Variants in OCIAD1 observed in about 807,000 individuals in gnomAD.
OCIAD1 encodes the protein OCIA domain-containing protein 1.
A neutral mutation model predicts 38.9 loss-of-function variants in OCIAD1; 29 were observed. The ratio of observed to expected loss-of-function variants is 0.74; its 90% CI spans 0.55 to 1.02. OCIAD1 has a LOEUF of 1.02. Ranked by LOEUF, OCIAD1 falls within the 50% of genes least tolerant of loss-of-function variation. The probability of loss-of-function intolerance (pLI) is 0.00; values close to 1 mark genes in which losing one functional copy is unlikely to be tolerated. For missense variants in OCIAD1, 288 were observed against 289.6 expected (o/e 0.99, Z 0.04); for synonymous variants, 110 against 92.0 (o/e 1.20, Z -1.12).
chr4:48,823,153 A>G (rs1481890161), intron 1 of OCIAD1, among the ~76,000 whole-genome samples: 1 of 152,208 alleles, frequency 6.6e-6, no homozygotes, highest in Non-Finnish European at 1.5e-5. Context: ...ATGCCCATCA[A>G]TGATAGACCG....
intron 4 of OCIAD1, among the ~76,000 whole-genome samples, chr4:48,843,733 CAA>C (rs762994795): frequency 6.6e-6 from 1 of 151,530 alleles, no homozygotes; most frequent in Non-Finnish European, 1.5e-5. Context: ...AACAACAAAA[CAA>C]AAAAAACCCC....
At chr4:48,854,086 T>G (rs1779783580) in intron 7 of OCIAD1, among the ~76,000 whole-genome samples, 1 of 152,210 alleles carries the variant, frequency 6.6e-6, no homozygotes, top group Admixed American at 6.5e-5. Context: ...CCTCACTATG[T>G]CTCATTTAAC....
chr4:48,854,348 A>G (rs1779813558), intron 7 of OCIAD1, among the ~76,000 whole-genome samples: 1 of 152,184 alleles, frequency 6.6e-6, no homozygotes, highest in Admixed American at 6.5e-5. Context: ...TTATCACACT[A>G]CTCAGAACAG....
At chr4:48,842,381 A>C (rs1008446025) in intron 3 of OCIAD1, among the ~76,000 whole-genome samples, 1 of 152,174 alleles carries the variant, frequency 6.6e-6, no homozygotes, top group Non-Finnish European at 1.5e-5. Flanking sequence ...ACAGCTGGCT[A>C]TTTGGAACCT....
chr4:48,807,600 C>T, intron 1 of OCIAD1, among the ~76,000 whole-genome samples: 1 of 152,022 alleles, frequency 6.6e-6, no homozygotes, highest in East Asian at 1.9e-4. Context: ...TCTTTCTTGC[C>T]TTTTTTTAAA....
intron 7 of OCIAD1, chr4:48,852,325 A>G (rs1377195294): frequency 1.2e-5 from 2 of 173,196 alleles, no homozygotes; most frequent in African/African-American, 4.7e-5. Context: ...AGAAATGATA[A>G]ATCGTGTCTC....
chr4:48,815,309 C>T (rs1553893865), intron 1 of OCIAD1, among the ~76,000 whole-genome samples: 4 of 151,198 alleles, frequency 2.6e-5, no homozygotes, highest in Non-Finnish European at 5.9e-5. Context: ...GACTCCATCT[C>T]AAAAAAAAGA....
intron 1 of OCIAD1, among the ~76,000 whole-genome samples, chr4:48,805,634 T>C (rs1188064764): frequency 6.6e-6 from 1 of 151,736 alleles, no homozygotes; most frequent in African/African-American, 2.4e-5. Context: ...CAGTGAGCTG[T>C]GATTGGGCCA....
chr4:48,828,658 G>A (rs750791222), upstream of OCIAD1, among the ~76,000 whole-genome samples: 6 of 151,942 alleles, frequency 3.9e-5, no homozygotes, highest in East Asian at 3.9e-4. Context: ...CAGATGCACC[G>A]CCTTAAGAGC....
chr4:48,851,094 A>G (rs114173667), intron 6 of OCIAD1, among the ~76,000 whole-genome samples: 2,544 of 152,312 alleles, frequency 0.017, 67 homozygotes, highest in African/African-American at 0.058. Context: ...CATGAGAGAG[A>G]ATTTGTATCT....
chr4:48,819,994 A>T (rs1430153064), intron 1 of OCIAD1, among the ~76,000 whole-genome samples: 1 of 152,184 alleles, frequency 6.6e-6, no homozygotes, highest in African/African-American at 2.4e-5. Context: ...CAGATCAATG[A>T]GACAGATAAT....
chr4:48,826,455 C>T (rs2109499338), upstream of OCIAD1, among the ~76,000 whole-genome samples: 1 of 152,286 alleles, frequency 6.6e-6, no homozygotes, highest in African/African-American at 2.4e-5. Context: ...TTTCCAGCTT[C>T]ATCCATGTCC....
rs576081813 is a variant in OCIAD1, at chr4:48,819,716, C to CAAAAAAAAAAAAA, written c.-102-10845_-102-10833dup. Among the ~76,000 whole-genome samples the CAAAAAAAAAAAAA allele has an allele frequency of 1.9e-3, 20 of 10,454 alleles. 5 individuals are homozygous for CAAAAAAAAAAAAA. Among genetic ancestry groups the CAAAAAAAAAAAAA allele is most frequent in the Non-Finnish European group, 2.6e-3 (15 of 5,678 alleles). The allele number at this position is 10,454 out of a possible 152,430, so 6.9% of individuals were successfully genotyped here. On this transcript the variant is annotated intron_variant, in intron 1 of 6. Coordinates refer to the OCIAD1 transcript ENST00000504654. ...GAGACGGAGGAATATTTACCAAGCG[C>CAAAAAAAAAAAAA]AAAAAAAAAAAAAAAAAAAAAAAAA...
intron 3 of OCIAD1, among the ~76,000 whole-genome samples, chr4:48,835,569 C>T (rs986921809): frequency 2.6e-5 from 4 of 152,076 alleles, no homozygotes; most frequent in African/African-American, 4.8e-5. Context: ...TATGGTGGCT[C>T]ACACCTGTAA....
chr4:48,813,893 G>T (rs1347813749), intron 1 of OCIAD1, among the ~76,000 whole-genome samples: 1 of 152,120 alleles, frequency 6.6e-6, no homozygotes, highest in Non-Finnish European at 1.5e-5. Flanking sequence ...GGTGAGAGTT[G>T]TAAAAATATA....
At position 48,815,519 on chromosome 4, in the gene OCIAD1, T is replaced by C. The variant is rs568181875; in HGVS notation, c.-103+10189T>C. ...AATTTACATTTCTTGGTAAGCCTGC[T>C]TTTTGGAGGATCTTTAAGAAGTGCT... On this transcript the variant is annotated intron_variant, in intron 1 of 6. Transcript: ENST00000504654. Among the ~76,000 whole-genome samples the C allele has an allele frequency of 6.3e-4, 96 of 152,332 alleles. 1 individual carries two copies. Among genetic ancestry groups the C allele is most frequent in the Non-Finnish European group, 1.1e-3 (75 of 68,028 alleles).
intron 1 of OCIAD1, among the ~76,000 whole-genome samples, chr4:48,815,710 T>C (rs1209320806): frequency 6.6e-6 from 1 of 152,198 alleles, no homozygotes; most frequent in Admixed American, 6.5e-5. Flanking sequence ...AATCAAACTG[T>C]TGAACTAGAC....
At chr4:48,852,776 C>T (rs564486263) in intron 7 of OCIAD1, among the ~76,000 whole-genome samples, 131 of 151,672 alleles carry the variant, frequency 8.6e-4, no homozygotes, top group South Asian at 5.8e-3. Context: ...TCAGTCTAGT[C>T]GGCAGTAAAA....
chr4:48,831,627 A>G, intron 1 of OCIAD1: 1 of 1,083,666 alleles, frequency 9.2e-7, no homozygotes, highest in Non-Finnish European at 1.3e-6. Flanking sequence ...GTCAGCCCTG[A>G]CAGTCTTCCT....
Sources: gnomAD v4.1 joint callset for allele counts (sites outside exome capture counted in the v4.1 genomes callset) on GRCh38, gnomAD v4.1.1 for gene constraint, MANE v1.5 for transcripts, NCBI Gene and HGNC (gene_info 2026-07-23, HGNC 2026-07-21) for gene names.